ZCCHC7: variants seen among roughly 807,000 people sequenced by gnomAD.
ZCCHC7 encodes zinc finger CCHC-type containing 7.
ZCCHC7 carries 35 observed loss-of-function variants against 52.0 expected under a neutral mutation model. The ratio of observed to expected loss-of-function variants is 0.67; its 90% CI spans 0.51 to 0.89. The LOEUF (loss-of-function observed/expected upper bound fraction) is 0.89, where lower values mean the gene tolerates loss of function less well. ZCCHC7 is among the 40% of genes least tolerant of loss of function. The probability of loss-of-function intolerance (pLI) is 0.00; values close to 1 mark genes in which losing one functional copy is unlikely to be tolerated. For missense variants in ZCCHC7, 574 were observed against 649.1 expected, an observed-to-expected ratio of 0.88 and a Z score of 1.26; for synonymous variants, 217 against 221.5, an observed-to-expected ratio of 0.98 and a Z score of 0.18.
At chr9:37,324,111 G>C (rs1435413173) in intron 5 of ZCCHC7, among the ~76,000 whole-genome samples, 1 of 152,172 alleles carries the variant, frequency 6.6e-6, no homozygotes, top group Non-Finnish European at 1.5e-5. Flanking sequence ...CACTATCAAT[G>C]AATATTGTTT....
intron 2 of ZCCHC7, among the ~76,000 whole-genome samples, chr9:37,196,396 T>C (rs1207264909): frequency 1.3e-5 from 2 of 152,200 alleles, no homozygotes; most frequent in Non-Finnish European, 2.9e-5. Flanking sequence ...GTACGTCCTT[T>C]GTCACAGGTT....
rs750294197 is a variant in ZCCHC7, at chr9:37,126,675, A to G, written c.343A>G (p.Asn115Asp). The G allele has an allele frequency of 8.7e-6, 14 of 1,614,052 alleles. No homozygotes were observed. Among genetic ancestry groups the G allele is most frequent in the Non-Finnish European group, 1.2e-5 (14 of 1,180,044 alleles). Reference protein sequence around the residue: ...GKNVRVQAQENAHGLSSSLQS... With the variant: ...GKNVRVQAQEDAHGLSSSLQS... ...GAATGTTAGAGTTCAAGCACAAGAA[A>G]ATGCCCATGGTCTTTCTTCTTCTCT... Residue 115 changes from asparagine (N) to aspartate (D), a missense_variant, in exon 2 of 9, where the codon AAT becomes GAT. This residue lies in a region of ZCCHC7 where 403 missense variants were observed against 461.2 expected (regional missense o/e 0.87). Coordinates refer to ENST00000336755, the MANE Select transcript of ZCCHC7 (RefSeq NM_032226.3).
intron 2 of ZCCHC7, among the ~76,000 whole-genome samples, chr9:37,297,233 T>A (rs770833127): frequency 6.6e-6 from 1 of 152,232 alleles, no homozygotes; most frequent in Non-Finnish European, 1.5e-5. Context: ...TCAATTATCA[T>A]GGTTATTTAT....
chr9:37,202,681 T>C, intron 2 of ZCCHC7, among the ~76,000 whole-genome samples: 1 of 152,122 alleles, frequency 6.6e-6, no homozygotes, highest in East Asian at 1.9e-4. Flanking sequence ...GGGGTTTTAC[T>C]ATGTTGCCCA....
At chr9:37,184,380 A>G (rs1239385745) in intron 2 of ZCCHC7, among the ~76,000 whole-genome samples, 2 of 136,830 alleles carry the variant, frequency 1.5e-5, no homozygotes, top group East Asian at 4.2e-4. Context: ...GATTCCCATT[A>G]TTGGCTTGCA....
At chr9:37,288,800 A>G (rs914969768) in intron 2 of ZCCHC7, among the ~76,000 whole-genome samples, 2 of 151,746 alleles carry the variant, frequency 1.3e-5, no homozygotes, top group Non-Finnish European at 2.9e-5. Context: ...GTTTCCTCTC[A>G]CCTCACTGGT....
intron 2 of ZCCHC7, among the ~76,000 whole-genome samples, chr9:37,279,971 A>G (rs1337337914): frequency 1.3e-5 from 2 of 151,934 alleles, no homozygotes; most frequent in African/African-American, 4.8e-5. Flanking sequence ...TGGCTAACAC[A>G]GTGAAACCCT....
At chr9:37,265,948 G>A (rs938849639) in intron 2 of ZCCHC7, among the ~76,000 whole-genome samples, 3 of 151,932 alleles carry the variant, frequency 2.0e-5, no homozygotes, top group African/African-American at 7.3e-5. Context: ...CTCTGTCTTT[G>A]TGATACCCAT....
At chr9:37,122,018 G>A (rs1385984364) in intron 1 of ZCCHC7, among the ~76,000 whole-genome samples, 2 of 152,208 alleles carry the variant, frequency 1.3e-5, no homozygotes, top group Non-Finnish European at 2.9e-5. Flanking sequence ...TGAAAGTAAA[G>A]TGTATTCATC....
At chr9:37,315,794 C>T (rs556046594) in intron 5 of ZCCHC7, among the ~76,000 whole-genome samples, 95 of 143,038 alleles carry the variant, frequency 6.6e-4, no homozygotes, top group African/African-American at 1.9e-3. Flanking sequence ...CTCACCCTGT[C>T]ATCCCTGGTT....
At chr9:37,347,103 T>TCTC (rs1441369351) in intron 6 of ZCCHC7, among the ~76,000 whole-genome samples, 6 of 152,176 alleles carry the variant, frequency 3.9e-5, no homozygotes, top group African/African-American at 1.4e-4. Flanking sequence ...TTTCTTCCAG[T>TCTC]CTCCACAAAG....
intron 2 of ZCCHC7, among the ~76,000 whole-genome samples, chr9:37,257,519 A>G (rs985563815): frequency 6.6e-6 from 1 of 152,232 alleles, no homozygotes; most frequent in Non-Finnish European, 1.5e-5. Context: ...ACATTTGAAA[A>G]TACAAAACAA....
At chr9:37,319,104 A>G (rs1034873089) in intron 5 of ZCCHC7, among the ~76,000 whole-genome samples, 2 of 152,006 alleles carry the variant, frequency 1.3e-5, no homozygotes, top group Admixed American at 6.6e-5. Flanking sequence ...ATCTTATTGT[A>G]GTTTTAGTTT....
intron 2 of ZCCHC7, among the ~76,000 whole-genome samples, chr9:37,139,305 GAAAT>G (rs1262467673): frequency 6.6e-6 from 1 of 151,950 alleles, no homozygotes; most frequent in East Asian, 1.9e-4. Flanking sequence ...AAATAGTTAA[GAAAT>G]AAATATTTTA....
At chr9:37,149,069 T>TC (rs1588380494) in intron 2 of ZCCHC7, among the ~76,000 whole-genome samples, 1 of 152,214 alleles carries the variant, frequency 6.6e-6, no homozygotes, top group Non-Finnish European at 1.5e-5. Context: ...TACAACCTAC[T>TC]CTATAGTGTC....
At chr9:37,166,460 T>G (rs1344576447) in intron 2 of ZCCHC7, among the ~76,000 whole-genome samples, 2 of 152,142 alleles carry the variant, frequency 1.3e-5, no homozygotes, top group Admixed American at 6.5e-5. Flanking sequence ...TTTTTCCTGG[T>G]ATGTCTGTCT....
intron 2 of ZCCHC7, among the ~76,000 whole-genome samples, chr9:37,255,147 T>C (rs1826524706): frequency 6.6e-6 from 1 of 152,034 alleles, no homozygotes; most frequent in Non-Finnish European, 1.5e-5. Context: ...GTTTAAATTA[T>C]AAATTAGGCA....
intron 2 of ZCCHC7, among the ~76,000 whole-genome samples, chr9:37,275,119 C>T (rs940955916): frequency 3.3e-5 from 5 of 152,134 alleles, no homozygotes; most frequent in Non-Finnish European, 5.9e-5. Context: ...AGCAACAATT[C>T]ATGTAATCAT....
chr9:37,318,707 G>A (rs1829928488), intron 5 of ZCCHC7, among the ~76,000 whole-genome samples: 1 of 151,920 alleles, frequency 6.6e-6, no homozygotes, highest in African/African-American at 2.4e-5. Context: ...AAGGTCAGAA[G>A]TTCAAGACCA....
Sources: allele counts gnomAD v4.1 joint callset (sites outside exome capture counted in the v4.1 genomes callset), GRCh38; gene constraint gnomAD v4.1.1; regional missense constraint gnomAD v4.1.1; transcripts MANE v1.5; gene names NCBI Gene and HGNC (gene_info 2026-07-23, HGNC 2026-07-21).